Variants in LVRN observed in about 807,000 individuals in gnomAD.
The protein encoded by LVRN is aminopeptidase Q.
In LVRN, 99 loss-of-function variants were observed where a neutral mutation model predicts 111.4. That is an observed-to-expected ratio of 0.89 (90% CI 0.76 to 1.05). LVRN has a LOEUF of 1.05. Among genes scored for constraint, LVRN ranks in the 50% least tolerant of loss-of-function variants. LVRN has a pLI of 0.00. For missense variants in LVRN, 1,414 were observed against 1,206.8 expected (o/e 1.17, Z -2.54); for synonymous variants, 488 against 449.5 (o/e 1.09, Z -1.08).
chr5:115,962,846 G>C lies in LVRN; in HGVS notation c.229G>C (p.Glu77Gln), dbSNP rs868701112. ...TPTPKPSSAR[E>Q]LAVTTTPSNW... is the part of the protein sequence containing the mutation. The stretch of plus-strand genomic sequence containing the variant: ...AACCCCGAAACCCAGCAGTGCACGC[G>C]AGCTAGCGGTGACGACCACCCCGAG... Residue 77 changes from glutamate (E) to glutamine (Q), a missense_variant, in exon 1 of 20, where the codon GAG becomes CAG. Glu to Gln is a conservative substitution (Grantham distance 29). Coordinates refer to ENST00000357872, the MANE Select transcript of LVRN (RefSeq NM_173800.5). 6.2e-6 allele frequency: 10 copies of C among 1,612,894 alleles called. No individual in the cohort carries two copies. Among genetic ancestry groups the C allele is most frequent in the Middle Eastern group, 3.3e-4 (2 of 6,084 alleles).
rs147254084 is a variant in LVRN, at chr5:116,013,845, G to T, written c.2343-575G>T. Among the ~76,000 whole-genome samples the T allele has an allele frequency of 5.7e-3, 873 of 152,206 alleles. 7 individuals carry two copies. The highest frequency in any genetic ancestry group is 0.02 in the African/African-American group (835 of 41,518). On this transcript the variant is annotated intron_variant, in intron 15 of 19. Coordinates refer to ENST00000357872, the MANE Select transcript of LVRN (RefSeq NM_173800.5). ...AACTTATTTTGTTTTGAAGTACAGTGTACACCCCTGCTCAGCTGTGAAAAC... is the reference window on the plus strand; with the variant it reads ...AACTTATTTTGTTTTGAAGTACAGTTTACACCCCTGCTCAGCTGTGAAAAC...
chr5:116,006,142 T>C (rs1748369875), intron 13 of LVRN, among the ~76,000 whole-genome samples, 175 bp downstream of exon 13: 1 of 152,174 alleles, frequency 6.6e-6, no homozygotes, highest in African/African-American at 2.4e-5. Flanking sequence ...TTGCTGGAAA[T>C]AAAAAGACTA....
intron 1 of LVRN, among the ~76,000 whole-genome samples, chr5:115,980,977 T>C (rs923107043): frequency 6.6e-6 from 1 of 152,114 alleles, no homozygotes; most frequent in Non-Finnish European, 1.5e-5. Context: ...TTAGAGATCA[T>C]CTACATTTCA....
chr5:115,974,878 T>G (rs1203595124), intron 1 of LVRN: 4 of 424,158 alleles, frequency 9.4e-6, no homozygotes, highest in Non-Finnish European at 1.9e-5. Flanking sequence ...CCGACCAATC[T>G]CTCTGTTCTG....
At chr5:115,976,403 C>G (rs1450810431) in intron 1 of LVRN, 2 of 152,154 alleles carry the variant, frequency 1.3e-5, no homozygotes, top group Non-Finnish European at 2.9e-5. Context: ...TTTTTGGCTT[C>G]ATTGATTTTC....
chr5:116,003,749 T>G (rs957629323), intron 12 of LVRN, among the ~76,000 whole-genome samples: 1 of 151,926 alleles, frequency 6.6e-6, no homozygotes, highest in Non-Finnish European at 1.5e-5. Context: ...GCCCGGCTAA[T>G]TTTTTGTATT....
Position 116,003,241 on chromosome 5 carries a change from A to G in LVRN, c.1898A>G (p.Lys633Arg). Residue 633 changes from lysine to arginine, a missense_variant and splice_region_variant, in exon 12 of 20, where the codon AAA becomes AGA. Physicochemically the swap from Lys to Arg is conservative, Grantham distance 26 (BLOSUM62 2). Transcript: ENST00000357872. ...AAATTATTCCCATATTCCTTTATAGAAGTATTCCCAGAAATGCAAGTTTCA... is the reference window on the plus strand; with the variant it reads ...AAATTATTCCCATATTCCTTTATAGGAGTATTCCCAGAAATGCAAGTTTCA... ...QPLVWLDQSS[K>R]VFPEMQVSDS... 1 of 1,576,312 alleles carries G rather than the reference A, an allele frequency of 6.3e-7. No individual in the cohort carries two copies. The highest frequency in any genetic ancestry group is 1.9e-5 in the Admixed American group (1 of 52,440).
chr5:115,993,016 A>T (rs1027430457), intron 5 of LVRN, among the ~76,000 whole-genome samples: 15 of 152,220 alleles, frequency 9.9e-5, no homozygotes, highest in African/African-American at 3.6e-4. Flanking sequence ...ACACAATCAC[A>T]AGTTTTATTA....
At chr5:115,990,036 C>G (rs916875206) in intron 4 of LVRN, among the ~76,000 whole-genome samples, 1 of 152,144 alleles carries the variant, frequency 6.6e-6, no homozygotes, top group Non-Finnish European at 1.5e-5. Context: ...GTGTTGTTCT[C>G]TTAGCTAATT....
intron 13 of LVRN, among the ~76,000 whole-genome samples, chr5:116,007,244 G>A (rs561555646): frequency 3.3e-5 from 5 of 152,258 alleles, no homozygotes; most frequent in Admixed American, 6.5e-5. Context: ...AATACCCAGA[G>A]TACCTTTCCA....
intron 1 of LVRN, among the ~76,000 whole-genome samples, chr5:115,979,473 A>G (rs970517054): frequency 6.6e-6 from 1 of 152,038 alleles, no homozygotes; most frequent in Admixed American, 6.6e-5. Context: ...AGCTTCTCCA[A>G]TCTCTTTTGT....
intron 18 of LVRN, among the ~76,000 whole-genome samples, chr5:116,018,408 G>T (rs992750657): frequency 6.6e-6 from 1 of 151,762 alleles, no homozygotes; most frequent in African/African-American, 2.4e-5. Flanking sequence ...GGTGGCTCAC[G>T]CCTGTAATAA....
chr5:115,999,701 T>C, intron 6 of LVRN, 61 bp from the exon 7 acceptor site: 1 of 1,552,074 alleles, frequency 6.4e-7, no homozygotes, highest in Non-Finnish European at 8.8e-7. Context: ...TTTAGGGCCA[T>C]AGAATTTTGG....
Position 116,026,476 on chromosome 5 carries a change from T to C in LVRN, c.*358T>C. 1 of 301,386 alleles carries C rather than the reference T, an allele frequency of 3.3e-6. No homozygotes were observed. The highest frequency in any genetic ancestry group is 6.3e-6 in the Non-Finnish European group (1 of 158,644). The allele number at this position is 301,386 out of a possible 1,614,324, so 18.7% of individuals were successfully genotyped here. ...ATCAATGGCATTAATGAGGAGCACA[T>C]TCTTTGCTGAGGGAAATAACAGTTT... On this transcript the variant is annotated 3_prime_UTR_variant, in exon 20 of 20. Coordinates refer to ENST00000357872, the MANE Select transcript of LVRN (RefSeq NM_173800.5).
intron 6 of LVRN, among the ~76,000 whole-genome samples, chr5:115,998,359 A>G (rs562754876): frequency 6.6e-6 from 1 of 152,322 alleles, no homozygotes; most frequent in South Asian, 2.1e-4. Context: ...AGGGATAATT[A>G]TAAAGATGAG....
Position 115,962,909 on chromosome 5 carries a change from C to CTGCCGCCCTGGCTCG in LVRN, c.299_313dup (p.Pro100_Pro104dup), listed in dbSNP as rs1561550328. The CTGCCGCCCTGGCTCG allele has an allele frequency of 6.2e-7, 1 of 1,613,116 alleles. No individual in the cohort carries two copies. The highest frequency in any genetic ancestry group is 8.5e-7 in the Non-Finnish European group (1 of 1,179,748). On this transcript the variant is annotated inframe_insertion, in exon 1 of 20. Transcript: ENST00000357872. Reference sequence around the variant, plus strand: ...CCCGGGGCCCTGGGACCAGCTACGCCTGCCGCCCTGGCTCGTGCCGCTGCA... The same window carrying CTGCCGCCCTGGCTCG: ...CCCGGGGCCCTGGGACCAGCTACGCCTGCCGCCCTGGCTCGTGCCGCCCTGGCTCGTGCCGCTGCA...
intron 12 of LVRN, 186 bp from the exon 13 acceptor site, chr5:116,005,726 A>G (rs1580394174): frequency 1.5e-6 from 1 of 665,816 alleles, no homozygotes; most frequent in Non-Finnish European, 2.8e-6. Context: ...CATTTATTTC[A>G]AAAACATATG....
At chr5:115,993,625 G>T in intron 5 of LVRN, 116 bp from the exon 6 acceptor site, 1 of 659,626 alleles carries the variant, frequency 1.5e-6, no homozygotes, top group Non-Finnish European at 2.5e-6. Context: ...GTTATTGATG[G>T]CAAATAAATT....
rs942443905 is a variant in LVRN at position 115,974,284 on chromosome 5, T to C, written c.696-9003T>C. 4.8e-4 allele frequency among the ~76,000 whole-genome samples: 73 copies of C among 152,140 alleles called. 1 individual carries two copies. Among genetic ancestry groups the C allele is most frequent in the African/African-American group, 1.7e-3 (69 of 41,424 alleles). On this transcript the variant is annotated intron_variant, in intron 1 of 19. Transcript: ENST00000357872. ...ACATTACCAAGTTGTTCATAGGAGG[T>C]CATACCAATCTATACACCTACCAAC...
Sources: gnomAD v4.1 joint callset for allele counts (sites outside exome capture counted in the v4.1 genomes callset) on GRCh38, gnomAD v4.1.1 for gene constraint, MANE v1.5 for transcripts, NCBI Gene and HGNC (gene_info 2026-07-23, HGNC 2026-07-21) for gene names.